The following PCDHGA5 variants were observed in gnomAD, a reference collection of about 807,000 sequenced individuals.
PCDHGA5 encodes the protein protocadherin gamma subfamily A, 5.
Under a neutral mutation model 56.7 loss-of-function variants are expected in PCDHGA5, and 36 were observed. The ratio of observed to expected loss-of-function variants is 0.64; its 90% CI spans 0.49 to 0.84. The LOEUF is 0.84. PCDHGA5 is among the 40% of genes least tolerant of loss of function. PCDHGA5 has a pLI of 0.00. For missense variants in PCDHGA5, 1,305 were observed against 1,201.5 expected (o/e 1.09, Z -1.27); for synonymous variants, 563 against 520.2 (o/e 1.08, Z -1.12).
intron 1 of PCDHGA5, chr5:141,426,513 C>G (rs780618436): frequency 2.3e-5 from 8 of 341,028 alleles, no homozygotes; most frequent in African/African-American, 4.3e-5. Flanking sequence ...AATACTTTAC[C>G]GTGAACACGG....
At chr5:141,442,006 G>T (rs540427406) in intron 1 of PCDHGA5, 2 of 229,074 alleles carry the variant, frequency 8.7e-6, no homozygotes, top group South Asian at 4.9e-5. Flanking sequence ...CTGACAGCTC[G>T]CACGATGGGC....
chr5:141,388,144 G>A (rs1327741980), intron 1 of PCDHGA5: 2 of 1,458,202 alleles, frequency 1.4e-6, no homozygotes, highest in Non-Finnish European at 9.5e-7. Flanking sequence ...TTGCTTGTGA[G>A]CAGCAGGCTA....
At chr5:141,390,362 G>GA (rs1411664231) in intron 1 of PCDHGA5, 10 of 1,532,890 alleles carry the variant, frequency 6.5e-6, no homozygotes, top group Middle Eastern at 3.5e-4. Context: ...ATATTTGCAG[G>GA]AAAATATATA....
intron 1 of PCDHGA5, among the ~76,000 whole-genome samples, chr5:141,456,297 A>G (rs537379475): frequency 6.6e-6 from 1 of 152,274 alleles, no homozygotes; most frequent in African/African-American, 2.4e-5. Context: ...CGTCTAATGG[A>G]GAACAGCAGC....
At chr5:141,506,700 G>A (rs780282969) in intron 3 of PCDHGA5, among the ~76,000 whole-genome samples, 3 of 152,138 alleles carry the variant, frequency 2.0e-5, no homozygotes, top group Non-Finnish European at 2.9e-5. Flanking sequence ...ACCCAAACCC[G>A]TTTTTTACTG....
At position 141,431,495 on chromosome 5, in the gene PCDHGA5, G is replaced by A. The variant is rs557611439; in HGVS notation, c.2422-63312G>A. The A allele has an allele frequency of 4.3e-6, 7 of 1,613,864 alleles. No homozygotes were observed. The highest frequency in any genetic ancestry group is 1.1e-5 in the South Asian group (1 of 91,092). On this transcript the variant is annotated intron_variant, in intron 1 of 3. Coordinates refer to ENST00000518069, the MANE Select transcript of PCDHGA5 (RefSeq NM_018918.3). This position sits in a 1 kb window ranked among gnomAD's most constrained non-coding sequence, Gnocchi z 4.8. ...CAACGCACCAGCGTTTGCTCAGCCC[G>A]AGTACCGCGCGAGCGTTCCGGAGAA...
Position 141,477,704 on chromosome 5 carries a change from C to T in PCDHGA5, c.2422-17103C>T, listed in dbSNP as rs772195653. 30 of 1,613,968 alleles carry T rather than the reference C, an allele frequency of 1.9e-5. No homozygotes were observed. Among genetic ancestry groups the T allele is most frequent in the Admixed American group, 6.7e-5 (4 of 60,026 alleles). On this transcript the variant is annotated intron_variant, in intron 1 of 3. Transcript: ENST00000518069. This position sits in a 1 kb window ranked among gnomAD's most constrained non-coding sequence, Gnocchi z 4.9. Reference sequence around the variant, plus strand: ...CTTAGTGCCCCTAGACTATGAGGATCGGCGGGAATTTGAATTAACAGCTCA... The same window carrying T: ...CTTAGTGCCCCTAGACTATGAGGATTGGCGGGAATTTGAATTAACAGCTCA...
intron 1 of PCDHGA5, among the ~76,000 whole-genome samples, chr5:141,402,671 G>A (rs1016182752): frequency 2.0e-5 from 3 of 152,140 alleles, no homozygotes; most frequent in Admixed American, 2.0e-4. Flanking sequence ...TTCTTTATCA[G>A]CCATCTGATA....
intron 1 of PCDHGA5, chr5:141,422,092 G>T: frequency 6.2e-7 from 1 of 1,611,520 alleles, no homozygotes; most frequent in Non-Finnish European, 8.5e-7. Context: ...GGAAAGCAAG[G>T]CTTCTGAAAT....
chr5:141,364,259 C>T lies in PCDHGA5; in HGVS notation c.-72C>T. The T allele has an allele frequency of 6.7e-7, 1 of 1,498,884 alleles. No individual in the cohort carries two copies. The allele number at this position is 1,498,884 out of a possible 1,614,324, so 92.8% of individuals were successfully genotyped here. A position where few individuals can be genotyped will look rare whatever the true frequency, so the allele number is the denominator to read the frequency against. On this transcript the variant is annotated 5_prime_UTR_variant, in exon 1 of 4. Transcript: ENST00000518069. ...CCATTTTCGTCAGGGAATATGTACC[C>T]ATCGGCTTTAGATAAATAAGGAAAC...
Position 141,365,282 on chromosome 5 carries a change from G to A in PCDHGA5, c.952G>A (p.Glu318Lys). The stretch of plus-strand genomic sequence containing the variant: ...TGAAGAATCCAGATTCTACCTCATG[G>A]AAGTGGTAGCTCAGGATGGAGGCGC... ...DYEESRFYLM[E>K]VVAQDGGALV... The change falls in exon 1 of 4, where the codon GAA becomes AAA. Residue 318 changes from glutamate to lysine, a missense_variant. Transcript: ENST00000518069. 6.2e-7 allele frequency: 1 copy of A among 1,613,998 alleles called. No individual in the cohort carries two copies. Among genetic ancestry groups the A allele is most frequent in the South Asian group, 1.1e-5 (1 of 91,082 alleles).
At chr5:141,450,556 G>T (rs534127421) in intron 1 of PCDHGA5, among the ~76,000 whole-genome samples, 1 of 151,940 alleles carries the variant, frequency 6.6e-6, no homozygotes, top group African/African-American at 2.4e-5. Flanking sequence ...GCGCAGTCTC[G>T]GCTCACTGCA....
At chr5:141,488,620 C>A (rs1271344928) in intron 1 of PCDHGA5, among the ~76,000 whole-genome samples, 1 of 152,164 alleles carries the variant, frequency 6.6e-6, no homozygotes, top group East Asian at 1.9e-4. Context: ...CTAATCTTTT[C>A]TCTCACCTTA....
intron 1 of PCDHGA5, chr5:141,418,622 G>C: frequency 6.2e-7 from 1 of 1,614,026 alleles, no homozygotes; most frequent in Non-Finnish European, 8.5e-7. Context: ...TCGGGAAGAC[G>C]TGCCTCCAGG....
At chr5:141,417,648 T>A in intron 1 of PCDHGA5, 5 of 818,672 alleles carry the variant, frequency 6.1e-6, no homozygotes, top group Non-Finnish European at 9.1e-6. Flanking sequence ...TCCCTCAGCC[T>A]CTAGCCTGGG....
At chr5:141,429,925 A>G (rs1009987955) in intron 1 of PCDHGA5, among the ~76,000 whole-genome samples, 5 of 152,244 alleles carry the variant, frequency 3.3e-5, no homozygotes, top group African/African-American at 1.2e-4. Flanking sequence ...TATTAATAGA[A>G]TTCTGGAGTA....
At chr5:141,389,227 C>A (rs1412412051) in intron 1 of PCDHGA5, 1 of 1,613,906 alleles carries the variant, frequency 6.2e-7, no homozygotes, top group Non-Finnish European at 8.5e-7. Context: ...GACAACGCTC[C>A]GGTTTTCTCA....
intron 1 of PCDHGA5, chr5:141,478,289 G>A (rs1210628852): frequency 1.2e-6 from 2 of 1,614,146 alleles, no homozygotes; most frequent in African/African-American, 2.7e-5. Context: ...GCAGTCTAGA[G>A]ACCTATACCG....
chr5:141,477,819 T>C lies in PCDHGA5; in HGVS notation c.2422-16988T>C. 1.9e-6 allele frequency: 3 copies of C among 1,614,138 alleles called. No individual in the cohort carries two copies. The highest frequency in any genetic ancestry group is 2.5e-6 in the Non-Finnish European group (3 of 1,180,030). On this transcript the variant is annotated intron_variant, in intron 1 of 3. Transcript: ENST00000518069. The surrounding 1 kb of genome is among the most constrained non-coding windows in gnomAD (Gnocchi z 4.9). ...CGCAATGACAATGCCCCCCAGGTCC[T>C]ATATCCTCGGCCAGGTGGGAGCTCG...
Sources: allele counts gnomAD v4.1 joint callset (sites outside exome capture counted in the v4.1 genomes callset), GRCh38; gene constraint gnomAD v4.1.1; non-coding constraint Gnocchi (gnomAD v3.1); transcripts MANE v1.5; gene names NCBI Gene and HGNC (gene_info 2026-07-23, HGNC 2026-07-21).